SHISA9: variants seen among roughly 807,000 people sequenced by gnomAD.
SHISA9 encodes the protein protein shisa-9.
Under a neutral mutation model 38.0 loss-of-function variants are expected in SHISA9, and 13 were observed. That is an observed-to-expected ratio of 0.34 (90% CI 0.22 to 0.54). The LOEUF (loss-of-function observed/expected upper bound fraction) is 0.54. Ranked by LOEUF, SHISA9 falls within the 20% of genes least tolerant of loss-of-function variation. The pLI is 0.91. For synonymous variants in SHISA9, 275 were observed against 242.0 expected (o/e 1.14, Z -1.27); for missense variants, 538 against 575.8 (o/e 0.93, Z 0.67).
chr16:13,332,783 A>G, the SHISA9 span, among the ~76,000 whole-genome samples: 1 of 152,172 alleles, frequency 6.6e-6, no homozygotes, highest in Non-Finnish European at 1.5e-5. Context: ...TAGGGGCACA[A>G]TAAAATAATC....
chr16:13,195,765 C>A (rs1439883960), intron 2 of SHISA9, among the ~76,000 whole-genome samples: 1 of 152,054 alleles, frequency 6.6e-6, no homozygotes, highest in Non-Finnish European at 1.5e-5. Context: ...AACCCATAAC[C>A]CCAATCTAAT....
At chr16:13,332,559 G>A in the SHISA9 span, 1 of 152,160 alleles carries the variant, frequency 6.6e-6, no homozygotes, top group Admixed American at 6.5e-5. Context: ...GCTTCAAATT[G>A]GATTTAAAAG....
At chr16:12,977,571 G>T (rs576340439) in intron 2 of SHISA9, among the ~76,000 whole-genome samples, 1 of 152,136 alleles carries the variant, frequency 6.6e-6, no homozygotes, top group Non-Finnish European at 1.5e-5. Flanking sequence ...CAACCCAAAT[G>T]CCCATCCGTG....
Position 13,110,192 on chromosome 16 carries a change from A to T in SHISA9, c.692-93202A>T, listed in dbSNP as rs377240436. On this transcript the variant is annotated intron_variant, in intron 2 of 4. Coordinates refer to ENST00000558583, the MANE Select transcript of SHISA9 (RefSeq NM_001145204.3). ...ACATGGCTGCAACTGAGATATTTGC[A>T]ATGGAATGTTCAGGTCCTTCCATGC... Among the ~76,000 whole-genome samples, 50 of 152,300 alleles carry T rather than the reference A, an allele frequency of 3.3e-4. 2 individuals carry two copies. Among genetic ancestry groups the T allele is most frequent in the African/African-American group, 1.2e-3 (48 of 41,568 alleles).
rs200141502 is a variant in SHISA9, at chr16:13,173,531, TCAG to T, written c.692-29859_692-29857del. Among the ~76,000 whole-genome samples, 1,087 of 152,268 alleles carry T rather than the reference TCAG, an allele frequency of 7.1e-3. 10 individuals are homozygous for T. Among genetic ancestry groups the T allele is most frequent in the African/African-American group, 0.023 (952 of 41,568 alleles). ...GCCCGCGTGGACCTAACAATCTAGA[TCAG>T]CAGTTCTTAACTGGGGGCAATTTTG... On this transcript the variant is annotated intron_variant, in intron 2 of 4. Coordinates refer to ENST00000558583, the MANE Select transcript of SHISA9 (RefSeq NM_001145204.3).
At chr16:13,185,646 T>A (rs2142035317) in intron 2 of SHISA9, among the ~76,000 whole-genome samples, 1 of 152,306 alleles carries the variant, frequency 6.6e-6, no homozygotes, top group Non-Finnish European at 1.5e-5. Context: ...TACAAGGAAA[T>A]TGTTTACCTG....
At chr16:13,261,361 A>T in the SHISA9 span, among the ~76,000 whole-genome samples, 2 of 152,160 alleles carry the variant, frequency 1.3e-5, no homozygotes, top group African/African-American at 4.8e-5. Flanking sequence ...GGTGATGGTG[A>T]TGATGGATAT....
At chr16:13,204,672 A>G (rs1291806408) in intron 3 of SHISA9, 1 of 152,240 alleles carries the variant, frequency 6.6e-6, no homozygotes, top group Non-Finnish European at 1.5e-5. Flanking sequence ...GCTGCTACTA[A>G]TGGAGTTCTT....
At chr16:13,468,729 C>T in the SHISA9 span, among the ~76,000 whole-genome samples, 1 of 152,076 alleles carries the variant, frequency 6.6e-6, no homozygotes, top group African/African-American at 2.4e-5. Flanking sequence ...GCAATCCCAG[C>T]ACTTTGGGAG....
At chr16:13,385,792 T>G in the SHISA9 span, among the ~76,000 whole-genome samples, 11 of 151,730 alleles carry the variant, frequency 7.2e-5, no homozygotes, top group East Asian at 3.9e-4. Flanking sequence ...CTGTGGTATA[T>G]CCATACCATG....
rs141853832 is a variant in SHISA9, at chr16:12,929,470, C to G, written c.691+12655C>G. Among the ~76,000 whole-genome samples the G allele has an allele frequency of 3.3e-5, 5 of 152,092 alleles. No homozygotes were observed. In the East Asian group the frequency reaches 9.6e-4, roughly 29 times the overall value. On this transcript the variant is annotated intron_variant, in intron 2 of 4. Transcript: ENST00000558583. ...AATACTATGCAGCCATAAAAAGGAA[C>G]GAGATCTTGTCCTTTGCAGGGACAT...
intron 2 of SHISA9, among the ~76,000 whole-genome samples, chr16:13,153,268 C>G (rs777933569): frequency 1.3e-5 from 2 of 151,476 alleles, no homozygotes; most frequent in Non-Finnish European, 2.9e-5. Flanking sequence ...TAGAGCTCAA[C>G]CAGAAAAAAA....
At chr16:13,464,658 G>A in the SHISA9 span, among the ~76,000 whole-genome samples, 32 of 152,138 alleles carry the variant, frequency 2.1e-4, no homozygotes, top group South Asian at 5.4e-3. Flanking sequence ...AAATTTTCCC[G>A]TTTACTACCA....
chr16:13,357,823 TG>T, the SHISA9 span, among the ~76,000 whole-genome samples: 1 of 146,766 alleles, frequency 6.8e-6, no homozygotes, highest in Non-Finnish European at 1.5e-5. Flanking sequence ...AGGTGCTCAG[TG>T]GGGGTGCTTT....
In SHISA9 at chr16:13,209,580, A is replaced by C. The variant is rs554397855; in HGVS notation, c.848-3673A>C. The stretch of plus-strand genomic sequence containing the variant: ...ATCCATCAGGGAACTATTCTTTTTC[A>C]CTCAATTGACTCTCCTTACTAAAGC... On this transcript the variant is annotated intron_variant, in intron 3 of 4. Coordinates refer to ENST00000558583, the MANE Select transcript of SHISA9 (RefSeq NM_001145204.3). Among the ~76,000 whole-genome samples the C allele has an allele frequency of 3.3e-5, 5 of 152,300 alleles. No individual in the cohort carries two copies. In the South Asian group the frequency reaches 1.0e-3, roughly 32 times the overall value.
rs1407347825 is a variant in SHISA9, at chr16:12,902,174, G to T, written c.110G>T (p.Gly37Val). 6.5e-7 allele frequency: 1 copy of T among 1,530,108 alleles called. No homozygotes were observed. The highest frequency in any genetic ancestry group is 1.4e-5 in the African/African-American group (1 of 72,482). 94.8% of individuals were successfully genotyped at this position (1,530,108 alleles called of 1,614,324 possible). A position where few individuals can be genotyped will look rare whatever the true frequency, so the allele number is the denominator to read the frequency against. ...CACGGGCAGCTGGCGCAACTGGGCGGCGTGTTGCTGCTGGCGGGGGGCAAC... is the reference window on the plus strand; with the variant it reads ...CACGGGCAGCTGGCGCAACTGGGCGTCGTGTTGCTGCTGGCGGGGGGCAAC... ...AGHGQLAQLG[G>V]VLLLAGGNRS... The change falls in exon 1 of 5, where the codon GGC becomes GTC. Residue 37 changes from glycine to valine, a missense_variant. Physicochemically the swap from Gly to Val is moderately radical, Grantham distance 109. Transcript: ENST00000558583.
At chr16:13,483,105 A>G in the SHISA9 span, among the ~76,000 whole-genome samples, 1 of 152,180 alleles carries the variant, frequency 6.6e-6, no homozygotes, top group South Asian at 2.1e-4. Context: ...CATCACAGAC[A>G]CATGTGGGTG....
At chr16:13,133,352 A>G (rs1264029839) in intron 2 of SHISA9, among the ~76,000 whole-genome samples, 6 of 152,242 alleles carry the variant, frequency 3.9e-5, no homozygotes, top group African/African-American at 1.4e-4. Flanking sequence ...AGGAATGTCC[A>G]TAATTTTCAT....
At chr16:12,909,762 C>G (rs530604316) in intron 1 of SHISA9, 86 of 189,572 alleles carry the variant, frequency 4.5e-4, no homozygotes, top group Admixed American at 1.5e-3. Flanking sequence ...ACATTATGGT[C>G]TAAAATTAAC....
Sources: gnomAD v4.1 joint callset for allele counts (sites outside exome capture counted in the v4.1 genomes callset) on GRCh38, gnomAD v4.1.1 for gene constraint, MANE v1.5 for transcripts, NCBI Gene and HGNC (gene_info 2026-07-23, HGNC 2026-07-21) for gene names.